ARHGAP26: variants seen among roughly 807,000 people sequenced by gnomAD.
ARHGAP26 encodes Rho GTPase activating protein 26, also known as rho GTPase-activating protein 26.
ARHGAP26 carries 38 observed loss-of-function variants against 104.8 expected under a neutral mutation model. That is an observed-to-expected ratio of 0.36 (90% CI 0.28 to 0.48). The LOEUF (loss-of-function observed/expected upper bound fraction) is 0.48. Ranked by LOEUF, ARHGAP26 falls within the 20% of genes least tolerant of loss-of-function variation. The pLI is 0.99. For missense variants in ARHGAP26, 704 were observed against 947.9 expected (o/e 0.74, Z 3.38); for synonymous variants, 341 against 340.0 (o/e 1.00, Z -0.03).
At chr5:143,089,768 G>T (rs563455935) in intron 17 of ARHGAP26, among the ~76,000 whole-genome samples, 2 of 152,028 alleles carry the variant, frequency 1.3e-5, no homozygotes, top group South Asian at 4.2e-4. Context: ...ATTTTATTTC[G>T]GGCTTGAAAT....
intron 10 of ARHGAP26, among the ~76,000 whole-genome samples, chr5:142,930,923 A>G (rs904035113): frequency 6.6e-6 from 1 of 152,200 alleles, no homozygotes; most frequent in Non-Finnish European, 1.5e-5. Context: ...GCTTGGGTGC[A>G]TATGGGGCCC....
rs1378733486 is a variant in ARHGAP26, at chr5:142,952,227, G to A, written c.1107+20102G>A. ...GGTGAGGACATGGACCTGTCCTTTT[G>A]TGGGCCACCATTCGACCCACTAGAG... On this transcript the variant is annotated intron_variant, in intron 11 of 22. Transcript: ENST00000645722. 1.2e-4 allele frequency among the ~76,000 whole-genome samples: 18 copies of A among 152,188 alleles called. No individual in the cohort carries two copies. The East Asian group carries it at 3.3e-3, about 28-fold the overall frequency.
chr5:142,926,548 C>T (rs1763928234), intron 10 of ARHGAP26, among the ~76,000 whole-genome samples: 1 of 152,076 alleles, frequency 6.6e-6, no homozygotes, highest in Non-Finnish European at 1.5e-5. Context: ...CTTCTCTGTT[C>T]TTATTAGTTA....
intron 10 of ARHGAP26, among the ~76,000 whole-genome samples, chr5:142,924,240 C>T (rs1397948769): frequency 6.6e-6 from 1 of 152,084 alleles, no homozygotes; most frequent in Non-Finnish European, 1.5e-5. Flanking sequence ...TCCTTCCCTC[C>T]CTCCCTCCTT....
intron 1 of ARHGAP26, among the ~76,000 whole-genome samples, chr5:142,800,649 A>G (rs1761915099): frequency 6.6e-6 from 1 of 152,338 alleles, no homozygotes; most frequent in East Asian, 1.9e-4. Context: ...GGCGTGAGCC[A>G]CTGTGCTCAG....
chr5:143,116,706 C>A (rs1349407900), intron 17 of ARHGAP26, among the ~76,000 whole-genome samples: 1 of 152,214 alleles, frequency 6.6e-6, no homozygotes, highest in Non-Finnish European at 1.5e-5. Context: ...TTCTGCCTCT[C>A]AAAGGACATC....
chr5:142,885,553 C>T (rs1457301487), intron 5 of ARHGAP26, among the ~76,000 whole-genome samples, 154 bp downstream of exon 5: 1 of 152,166 alleles, frequency 6.6e-6, no homozygotes, highest in Non-Finnish European at 1.5e-5. Context: ...TGCCTGATGC[C>T]TGGACTGCCT....
At chr5:142,941,015 C>T (rs1230900204) in intron 11 of ARHGAP26, among the ~76,000 whole-genome samples, 24 of 127,524 alleles carry the variant, frequency 1.9e-4, no homozygotes, top group Non-Finnish European at 3.1e-5. Flanking sequence ...GCGGAGCTTG[C>T]AGTGAGCCGA....
At chr5:143,035,370 T>C (rs1472045015) in intron 12 of ARHGAP26, among the ~76,000 whole-genome samples, 1 of 152,206 alleles carries the variant, frequency 6.6e-6, no homozygotes, top group African/African-American at 2.4e-5. Context: ...TAAAAAGGAA[T>C]GATTAATGGC....
chr5:142,822,422 G>A (rs1766379721), intron 1 of ARHGAP26, among the ~76,000 whole-genome samples: 1 of 152,126 alleles, frequency 6.6e-6, no homozygotes, highest in Non-Finnish European at 1.5e-5. Flanking sequence ...CTGAACTTTA[G>A]CTCACTGTTG....
chr5:142,826,561 C>T (rs1257108930), intron 1 of ARHGAP26, among the ~76,000 whole-genome samples: 2 of 152,204 alleles, frequency 1.3e-5, no homozygotes, highest in African/African-American at 4.8e-5. Context: ...TTGGGTTGTC[C>T]GTAGGGGAGT....
In ARHGAP26 at chr5:143,037,200, G is replaced by A. The variant is rs149675399; in HGVS notation, c.1149G>A (p.Ala383=). The A allele has an allele frequency of 4.2e-5, 68 of 1,600,004 alleles. No individual in the cohort carries two copies. Among genetic ancestry groups the A allele is most frequent in the Non-Finnish European group, 5.1e-5 (60 of 1,169,596 alleles). Residue 383 remains alanine, a synonymous_variant, in exon 13 of 23, where the codon GCG becomes GCA. Transcript: ENST00000645722. The stretch of plus-strand genomic sequence containing the variant: ...GTCCTTCTCTTGCTCTTTCAGCTGC[G>A]CAGTTGGACAGCATTGGCTTCAGCA... ...SNKDSQSEGT[A]QLDSIGFSII...
At chr5:142,824,018 T>C (rs1333407163) in intron 1 of ARHGAP26, among the ~76,000 whole-genome samples, 2 of 152,198 alleles carry the variant, frequency 1.3e-5, no homozygotes, top group African/African-American at 4.8e-5. Flanking sequence ...ACTTCACTTA[T>C]TTTTGTGTGT....
chr5:142,933,684 T>C (rs1299766774), intron 11 of ARHGAP26, among the ~76,000 whole-genome samples: 1 of 152,084 alleles, frequency 6.6e-6, no homozygotes, highest in Non-Finnish European at 1.5e-5. Context: ...TTCCATTGGC[T>C]CAAACATAAT....
chr5:142,800,123 C>T (rs1361516655), intron 1 of ARHGAP26, among the ~76,000 whole-genome samples: 1 of 152,150 alleles, frequency 6.6e-6, no homozygotes, highest in Admixed American at 6.5e-5. Context: ...AAAGAAATAC[C>T]TGCGTAATAA....
chr5:143,184,791 A>G (rs1804897341), intron 20 of ARHGAP26, among the ~76,000 whole-genome samples: 1 of 152,168 alleles, frequency 6.6e-6, no homozygotes, highest in Non-Finnish European at 1.5e-5. Flanking sequence ...AACAAAATCC[A>G]TATACTCAAG....
intron 6 of ARHGAP26, among the ~76,000 whole-genome samples, chr5:142,898,303 C>T (rs553752766): frequency 6.6e-6 from 1 of 152,088 alleles, no homozygotes; most frequent in African/African-American, 2.4e-5. Context: ...ACTAAATGTT[C>T]TTGAGATTTG....
intron 14 of ARHGAP26, among the ~76,000 whole-genome samples, chr5:143,047,626 C>T (rs1784406052): frequency 6.6e-6 from 1 of 152,052 alleles, no homozygotes; most frequent in Non-Finnish European, 1.5e-5. Flanking sequence ...CTGTGTATTA[C>T]TGTTTTGCAT....
intron 20 of ARHGAP26, among the ~76,000 whole-genome samples, chr5:143,193,618 G>C (rs1252174031): frequency 6.6e-6 from 1 of 152,148 alleles, no homozygotes; most frequent in African/African-American, 2.4e-5. Flanking sequence ...GAGTGGTAAT[G>C]CTGGCAATTT....
Sources: gnomAD v4.1 joint callset for allele counts (sites outside exome capture counted in the v4.1 genomes callset) on GRCh38, gnomAD v4.1.1 for gene constraint, MANE v1.5 for transcripts, NCBI Gene and HGNC (gene_info 2026-07-23, HGNC 2026-07-21) for gene names.